RSPH10B2: variants seen among roughly 807,000 people sequenced by gnomAD.
RSPH10B2 encodes the protein radial spoke head 10 homolog B2 (Chlamydomonas).
In RSPH10B2, 9 loss-of-function variants were observed where a neutral mutation model predicts 49.0. The observed-to-expected ratio is 0.18, with a 90% CI of 0.11 to 0.32. RSPH10B2 has a LOEUF of 0.32. Ranked by LOEUF, RSPH10B2 falls within the 10% of genes least tolerant of loss-of-function variation. The pLI is 1.00. For synonymous variants in RSPH10B2, 35 were observed against 210.2 expected (o/e 0.17, Z 7.21); for missense variants, 95 against 589.9 (o/e 0.16, Z 8.69).
intron 13 of RSPH10B2, among the ~76,000 whole-genome samples, chr7:6,782,070 C>T: frequency 9.1e-6 from 1 of 110,480 alleles, no homozygotes; most frequent in East Asian, 2.9e-4. Flanking sequence ...CCCGCCACCA[C>T]ACCTGGCTAA....
intron 13 of RSPH10B2, among the ~76,000 whole-genome samples, chr7:6,782,239 G>A (rs1781967050): frequency 6.8e-6 from 1 of 146,606 alleles, no homozygotes; most frequent in African/African-American, 2.6e-5. Flanking sequence ...TATTCATGCA[G>A]ATCCAGCCAT....
chr7:6,781,626 T>C (rs576557053), intron 13 of RSPH10B2, 150 bp downstream of exon 15: 1 of 958,246 alleles, frequency 1.0e-6, no homozygotes, highest in East Asian at 3.6e-5. Flanking sequence ...CTGAGTCTCT[T>C]GGCAGAACAG....
At chr7:6,766,958 T>G in intron 6 of RSPH10B2, 81 bp downstream of exon 8, 1 of 1,200,056 alleles carries the variant, frequency 8.3e-7, no homozygotes, top group Non-Finnish European at 1.1e-6. Flanking sequence ...TCTTTTTGGG[T>G]TTTGTTTTTG....
upstream of RSPH10B2, among the ~76,000 whole-genome samples, chr7:6,752,584 TGCTGGCGTGGTCTGCAG>T (rs1780921224): frequency 8.7e-6 from 1 of 114,450 alleles, no homozygotes. Context: ...TCTGGCACTG[TGCTGGCGTGGTCTGCAG>T]GATCCCACTT....
intron 13 of RSPH10B2, among the ~76,000 whole-genome samples, chr7:6,782,652 G>A (rs1781986472): frequency 8.3e-6 from 1 of 119,934 alleles, no homozygotes. Flanking sequence ...AAGGCAGAGG[G>A]GGTGGATCAC....
intron 6 of RSPH10B2, among the ~76,000 whole-genome samples, 170 bp downstream of exon 8, chr7:6,767,047 C>T (rs1781482230): frequency 1.1e-5 from 1 of 93,066 alleles, no homozygotes; most frequent in Non-Finnish European, 2.4e-5. Flanking sequence ...TCACTGCAGC[C>T]TCCACCTCCC....
intron 3 of RSPH10B2, among the ~76,000 whole-genome samples, chr7:6,763,201 C>T (rs1583497520): frequency 2.3e-5 from 1 of 43,296 alleles, no homozygotes; most frequent in African/African-American, 1.1e-4. Flanking sequence ...TTTGGGAAGC[C>T]GAGGCAGGTG....
chr7:6,759,086 A>C, exon 2 of RSPH10B2: 1 of 340,036 alleles, frequency 2.9e-6, no homozygotes. Flanking sequence ...CTTTGTAGCT[A>C]TGAAGGGGAA....
chr7:6,774,745 CT>C (rs1156492670), intron 9 of RSPH10B2, among the ~76,000 whole-genome samples: 1 of 91,856 alleles, frequency 1.1e-5, no homozygotes, highest in African/African-American at 3.8e-5. Context: ...GCTATATTAT[CT>C]TTTTTTTTGT....
intron 4 of RSPH10B2, among the ~76,000 whole-genome samples, chr7:6,764,519 C>T (rs1781386331): frequency 6.7e-6 from 1 of 149,814 alleles, no homozygotes; most frequent in Non-Finnish European, 1.5e-5. Flanking sequence ...CACCACCACG[C>T]CCAGCTAATT....
intron 18 of RSPH10B2, among the ~76,000 whole-genome samples, chr7:6,797,955 C>A (rs1782674242): frequency 2.1e-5 from 2 of 95,900 alleles, no homozygotes; most frequent in African/African-American, 4.7e-5. Flanking sequence ...CCTGGCCAAC[C>A]TGGTGAAACC....
At chr7:6,786,308 G>A (rs1359973145) in intron 14 of RSPH10B2, among the ~76,000 whole-genome samples, 20 of 99,092 alleles carry the variant, frequency 2.0e-4, no homozygotes, top group East Asian at 7.6e-4. Flanking sequence ...TCAGCCTCCC[G>A]AGTAGCTGAG....
At chr7:6,756,110 T>C (rs1029609802), upstream of RSPH10B2, among the ~76,000 whole-genome samples, 18 of 149,276 alleles carry the variant, frequency 1.2e-4, no homozygotes, top group East Asian at 1.4e-3. Context: ...CTACTAAAAA[T>C]ACAAAAAGAA....
At chr7:6,757,247 GCA>G, upstream of RSPH10B2, 1 of 32,118 alleles carries the variant, frequency 3.1e-5, no homozygotes, top group Non-Finnish European at 4.6e-5. Flanking sequence ...ACTACTCACT[GCA>G]GCCTCGACCT....
exon 12 of RSPH10B2, chr7:6,780,820 C>G: frequency 1.3e-6 from 2 of 1,498,442 alleles, no homozygotes; most frequent in Non-Finnish European, 1.8e-6. Context: ...AAGAGAAGCC[C>G]ATCCCTCTTC....
At chr7:6,758,706 G>C (rs1293632098) in intron 1 of RSPH10B2, among the ~76,000 whole-genome samples, 10 of 119,078 alleles carry the variant, frequency 8.4e-5, no homozygotes, top group Non-Finnish European at 1.6e-4. Flanking sequence ...TTAGCTGGGC[G>C]TGGTGACATG....
At chr7:6,783,751 G>A (rs1782030687) in intron 13 of RSPH10B2, among the ~76,000 whole-genome samples, 1 of 151,416 alleles carries the variant, frequency 6.6e-6, no homozygotes, top group Non-Finnish European at 1.5e-5. Flanking sequence ...GGGATTACAG[G>A]CGTGAGCCAC....
upstream of RSPH10B2, among the ~76,000 whole-genome samples, chr7:6,756,108 A>C (rs996359067): frequency 1.3e-5 from 2 of 149,890 alleles, no homozygotes; most frequent in African/African-American, 2.5e-5. Context: ...CTCTACTAAA[A>C]ATACAAAAAG....
Position 6,797,872 on chromosome 7 carries a change from C to T in RSPH10B2, c.2433-491C>T, listed in dbSNP as rs539892647. 1.2e-4 allele frequency among the ~76,000 whole-genome samples: 12 copies of T among 96,026 alleles called. 4 individuals are homozygous for T. The South Asian group carries it at 3.8e-3, about 30-fold the overall frequency. 63.0% of individuals were successfully genotyped at this position (96,026 alleles called of 152,430 possible). On this transcript the variant is annotated intron_variant, in intron 18 of 18. Transcript: ENST00000297186. ...TATCTCAAAAAAAAAAAAATACACA[C>T]ACACACACACACACACGTAACTTTG...
Sources: allele counts gnomAD v4.1 joint callset (sites outside exome capture counted in the v4.1 genomes callset), GRCh38; gene constraint gnomAD v4.1.1; transcripts MANE v1.5; gene names NCBI Gene and HGNC (gene_info 2026-07-23, HGNC 2026-07-21).